Variants in SLCO3A1 observed in about 807,000 individuals in gnomAD.
SLCO3A1 encodes solute carrier organic anion transporter family member 3A1.
In SLCO3A1, 27 loss-of-function variants were observed where a neutral mutation model predicts 63.1. The observed-to-expected ratio is 0.43, with a 90% confidence interval of 0.32 to 0.59. SLCO3A1 has a LOEUF of 0.59. Among genes scored for constraint, SLCO3A1 ranks in the 20% least tolerant of loss-of-function variants. The pLI is 0.09. For synonymous variants in SLCO3A1, 473 were observed against 409.9 expected (o/e 1.15, Z -1.86); for missense variants, 773 against 945.8 (o/e 0.82, Z 2.40).
At chr15:92,040,590 G>T (rs2046785475) in intron 2 of SLCO3A1, among the ~76,000 whole-genome samples, 1 of 152,142 alleles carries the variant, frequency 6.6e-6, no homozygotes, top group South Asian at 2.1e-4. Context: ...GTCCTACCAT[G>T]ACACTGGTAC....
At chr15:91,914,356 C>T (rs1898581283) in intron 1 of SLCO3A1, among the ~76,000 whole-genome samples, 1 of 152,112 alleles carries the variant, frequency 6.6e-6, no homozygotes, top group Non-Finnish European at 1.5e-5. Flanking sequence ...ATTATGATTC[C>T]TGTTTTGTAG....
At chr15:92,145,441 C>G (rs1596143374) in intron 7 of SLCO3A1, among the ~76,000 whole-genome samples, 1 of 152,160 alleles carries the variant, frequency 6.6e-6, no homozygotes, top group East Asian at 1.9e-4. Context: ...CGTCTCAGCT[C>G]TGCGCTAGGA....
chr15:92,154,873 A>AAACTAGTTGT (rs1340434916), intron 9 of SLCO3A1, among the ~76,000 whole-genome samples: 1 of 152,180 alleles, frequency 6.6e-6, no homozygotes, highest in Non-Finnish European at 1.5e-5. Context: ...GGAACTGTAA[A>AAACTAGTTGT]AACTAGTTGT....
intron 1 of SLCO3A1, among the ~76,000 whole-genome samples, chr15:91,887,920 T>A (rs1897767336): frequency 6.6e-6 from 1 of 152,230 alleles, no homozygotes; most frequent in Admixed American, 6.5e-5. Context: ...AAAAGCACCT[T>A]GTTCAGATCT....
chr15:92,059,567 C>T (rs1317182597), intron 2 of SLCO3A1, among the ~76,000 whole-genome samples: 2 of 152,194 alleles, frequency 1.3e-5, no homozygotes, highest in African/African-American at 4.8e-5. Context: ...GTGTGCCCAC[C>T]GTGAGCTCTG....
chr15:92,055,116 A>G (rs1411667034), intron 2 of SLCO3A1, among the ~76,000 whole-genome samples: 1 of 152,056 alleles, frequency 6.6e-6, no homozygotes. Flanking sequence ...AGCATTTATT[A>G]TTTCTTGACT....
intron 9 of SLCO3A1, among the ~76,000 whole-genome samples, chr15:92,154,827 G>A (rs543084968): frequency 6.6e-6 from 1 of 152,220 alleles, no homozygotes; most frequent in East Asian, 1.9e-4. Flanking sequence ...TCAAAGTAGG[G>A]CTGAGATGGG....
chr15:91,965,721 GGTGTGTGTGT>G lies in SLCO3A1; in HGVS notation c.646+49287_646+49296del, dbSNP rs35543509. Among the ~76,000 whole-genome samples the G allele has an allele frequency of 2.4e-3, 354 of 147,634 alleles. 1 individual carries two copies. Among genetic ancestry groups the G allele is most frequent in the Non-Finnish European group, 4.1e-3 (276 of 66,742 alleles). On this transcript the variant is annotated intron_variant, in intron 2 of 9. Coordinates refer to ENST00000318445, the MANE Select transcript of SLCO3A1 (RefSeq NM_013272.4). ...CACTTGAATTGTGGGCAGCCAGCAG[GGTGTGTGTGT>G]GTGTGTGTGTGTGTGTGTGTGTGGA...
At chr15:91,924,125 T>C (rs1898935020) in intron 2 of SLCO3A1, among the ~76,000 whole-genome samples, 1 of 152,248 alleles carries the variant, frequency 6.6e-6, no homozygotes, top group South Asian at 2.1e-4. Flanking sequence ...TTGGCATTCT[T>C]GTTTTGAAAC....
intron 2 of SLCO3A1, among the ~76,000 whole-genome samples, chr15:92,070,593 A>G (rs1387262853): frequency 6.6e-6 from 1 of 151,932 alleles, no homozygotes; most frequent in Non-Finnish European, 1.5e-5. Context: ...GCAGTGACCC[A>G]AGATCAGGCC....
At chr15:92,050,360 T>C (rs2046942143) in intron 2 of SLCO3A1, among the ~76,000 whole-genome samples, 1 of 151,834 alleles carries the variant, frequency 6.6e-6, no homozygotes, top group African/African-American at 2.4e-5. Context: ...TTAAGAAGAG[T>C]GGAAACAAAC....
At chr15:92,015,852 G>C (rs990169456) in intron 2 of SLCO3A1, among the ~76,000 whole-genome samples, 18 of 152,224 alleles carry the variant, frequency 1.2e-4, no homozygotes, top group Admixed American at 7.8e-4. Context: ...TCAGAAACAG[G>C]GGCCAAGAAG....
At chr15:91,880,973 G>C (rs1162365793) in intron 1 of SLCO3A1, among the ~76,000 whole-genome samples, 1 of 152,182 alleles carries the variant, frequency 6.6e-6, no homozygotes, top group Non-Finnish European at 1.5e-5. Flanking sequence ...AGCAGAATGA[G>C]CCCAGAGAGC....
In SLCO3A1 at chr15:92,162,849, T is replaced by C; in HGVS notation, c.1847T>C (p.Leu616Pro). ...TGTGGGGAGCAAGGCGCCTGCGTCC[T>C]CTACGACAATGTGGTCTACCGATAC... is the stretch of plus-strand genomic sequence containing the variant. Reference protein sequence around the residue: ...TFCGEQGACVLYDNVVYRYLY... With the variant: ...TFCGEQGACVPYDNVVYRYLY... The change falls in exon 10 of 10, where the codon CTC becomes CCC. Residue 616 changes from leucine (L) to proline (P), a missense_variant. This residue lies in a region of SLCO3A1 where 139 missense variants were observed against 131.4 expected (regional missense o/e 1.06). Coordinates refer to ENST00000318445, the MANE Select transcript of SLCO3A1 (RefSeq NM_013272.4). 3 of 1,614,236 alleles carry C rather than the reference T, an allele frequency of 1.9e-6. No homozygotes were observed. Among genetic ancestry groups the C allele is most frequent in the Non-Finnish European group, 2.5e-6 (3 of 1,180,046 alleles).
At chr15:91,998,753 C>T (rs1044866900) in intron 2 of SLCO3A1, among the ~76,000 whole-genome samples, 9 of 152,206 alleles carry the variant, frequency 5.9e-5, no homozygotes, top group African/African-American at 2.2e-4. Flanking sequence ...GAACTTAAGA[C>T]AGAACTACCA....
chr15:91,895,418 G>A (rs1897979112), intron 1 of SLCO3A1, among the ~76,000 whole-genome samples: 1 of 152,198 alleles, frequency 6.6e-6, no homozygotes, highest in Non-Finnish European at 1.5e-5. Flanking sequence ...GCTATACCAG[G>A]CCATAGGATT....
At chr15:91,904,685 T>C (rs1030391759) in intron 1 of SLCO3A1, among the ~76,000 whole-genome samples, 2 of 152,220 alleles carry the variant, frequency 1.3e-5, no homozygotes, top group Admixed American at 1.3e-4. Flanking sequence ...GTGGTTGTTT[T>C]CTTCACTGCT....
chr15:92,095,617 A>G (rs760489199), intron 3 of SLCO3A1, among the ~76,000 whole-genome samples: 3 of 152,234 alleles, frequency 2.0e-5, no homozygotes, highest in Non-Finnish European at 4.4e-5. Context: ...TGCTAGATCG[A>G]TGGGCTAGAC....
At chr15:91,943,460 C>A (rs1899692124) in intron 2 of SLCO3A1, among the ~76,000 whole-genome samples, 2 of 152,164 alleles carry the variant, frequency 1.3e-5, no homozygotes, top group Admixed American at 1.3e-4. Flanking sequence ...TAGGTGTAAA[C>A]CATATTTTGT....
Sources: gnomAD v4.1 joint callset for allele counts (sites outside exome capture counted in the v4.1 genomes callset) on GRCh38, gnomAD v4.1.1 for gene constraint, gnomAD v4.1.1 regional missense constraint, MANE v1.5 for transcripts, NCBI Gene and HGNC (gene_info 2026-07-23, HGNC 2026-07-21) for gene names.